Variants in ANKMY1 observed in about 807,000 individuals in gnomAD.
ANKMY1 encodes the protein ankyrin repeat and MYND domain-containing protein 1.
Under a neutral mutation model 102.0 loss-of-function variants are expected in ANKMY1, and 98 were observed. The observed-to-expected ratio is 0.96, with a 90% CI of 0.82 to 1.14. The LOEUF (loss-of-function observed/expected upper bound fraction) is 1.14, where lower values mean the gene tolerates loss of function less well. ANKMY1 is among the 50% of genes most tolerant of loss of function. The pLI, the probability that ANKMY1 is intolerant of heterozygous loss-of-function variation, is 0.00. For missense variants in ANKMY1, 1,330 were observed against 1,347.6 expected (o/e 0.99, Z 0.20); for synonymous variants, 582 against 559.9 (o/e 1.04, Z -0.56).
chr2:240,529,228 C>A lies in ANKMY1; in HGVS notation c.762G>T (p.Thr254=), dbSNP rs758914465. ...AGTAGACATACATTTCTGGAGGCAG[C>A]GTTAGGTTGTCATTCAGAAGAAACC... is the stretch of plus-strand genomic sequence containing the variant. The part of the protein sequence containing the change: ...YKRFLLNDNL[T]LPPEMYVYST... The change falls in exon 5 of 18, where the codon ACG becomes ACT. Residue 254 remains threonine, a synonymous_variant. Transcript: ENST00000401804. The surrounding 1 kb of genome is among the most constrained non-coding windows in gnomAD (Gnocchi z 4.2). 6.2e-7 allele frequency: 1 copy of A among 1,614,140 alleles called. No individual in the cohort carries two copies. Among genetic ancestry groups the A allele is most frequent in the South Asian group, 1.1e-5 (1 of 91,086 alleles).
intron 4 of ANKMY1, chr2:240,532,144 A>C: frequency 2.1e-6 from 1 of 465,278 alleles, no homozygotes; most frequent in Middle Eastern, 3.3e-4. Flanking sequence ...AACTGTAGAA[A>C]ACCAAAGAAA....
intron 4 of ANKMY1, among the ~76,000 whole-genome samples, chr2:240,537,015 G>A (rs1035969035): frequency 8.6e-5 from 13 of 151,768 alleles, no homozygotes; most frequent in African/African-American, 2.2e-4. Flanking sequence ...GTGAGCCACC[G>A]TACCCATCCA....
chr2:240,501,573 G>A (rs921493461), intron 13 of ANKMY1, among the ~76,000 whole-genome samples: 8 of 152,182 alleles, frequency 5.3e-5, no homozygotes, highest in Admixed American at 2.6e-4. Context: ...GTGCAAGCAC[G>A]GCCAGAAATC....
chr2:240,501,749 C>T (rs1002784759), intron 13 of ANKMY1, among the ~76,000 whole-genome samples: 35 of 152,374 alleles, frequency 2.3e-4, no homozygotes, highest in Admixed American at 1.9e-3. Flanking sequence ...GCCACCAACA[C>T]TAGTGGCCAG....
intron 17 of ANKMY1, 77 bp from the exon 18 acceptor site, chr2:240,479,732 CG>C: frequency 7.2e-7 from 1 of 1,384,262 alleles, no homozygotes; most frequent in Non-Finnish European, 1.0e-6. Context: ...CTCCAGAACT[CG>C]GGCTGTGTGG....
In ANKMY1 at chr2:240,554,959, AC is replaced by A. The variant is rs764218344; in HGVS notation, c.242del (p.Gly81ValfsTer17). Reference protein sequence around the residue: ...LRESYIQLVQGVQEWQDGCMY... With the variant: ...LRESYIQLVQXVQEWQDGCMY... ...TGCAACCATCCTGCCACTCCTGCAC[AC>A]CCTGGACGAGCTGGATGTAGGACTC... On this transcript the variant is annotated frameshift_variant, in exon 3 of 18. Transcript: ENST00000401804. LOFTEE classifies it high-confidence loss of function. The A allele has an allele frequency of 7.4e-6, 12 of 1,614,008 alleles. No individual in the cohort carries two copies. The highest frequency in any genetic ancestry group is 9.3e-6 in the Non-Finnish European group (11 of 1,180,020).
intron 4 of ANKMY1, among the ~76,000 whole-genome samples, chr2:240,546,501 C>T: frequency 6.6e-6 from 1 of 152,134 alleles, no homozygotes; most frequent in Non-Finnish European, 1.5e-5. Flanking sequence ...ATCAGATTCA[C>T]ACATAACAAT....
chr2:240,560,693 G>C, upstream of ANKMY1: 2 of 1,526,032 alleles, frequency 1.3e-6, no homozygotes, highest in Non-Finnish European at 1.7e-6. Flanking sequence ...CCATGGGACC[G>C]GCAGAAGCTG....
chr2:240,552,263 C>T (rs969613824), intron 4 of ANKMY1, among the ~76,000 whole-genome samples: 1 of 152,204 alleles, frequency 6.6e-6, no homozygotes, highest in Non-Finnish European at 1.5e-5. Flanking sequence ...GTTTCAGTAA[C>T]AGCCACTCAT....
At chr2:240,514,167 A>G (rs757788050) in intron 9 of ANKMY1, among the ~76,000 whole-genome samples, 10 of 152,266 alleles carry the variant, frequency 6.6e-5, no homozygotes, top group African/African-American at 9.6e-5. Context: ...GAATCAGGAA[A>G]TGATTAAGCT....
At chr2:240,558,108 G>T, upstream of ANKMY1, 1 of 455,910 alleles carries the variant, frequency 2.2e-6, no homozygotes, top group Non-Finnish European at 2.9e-6. Flanking sequence ...CGCCCTCTGT[G>T]ACTTCAGGGG....
the ANKMY1 span, among the ~76,000 whole-genome samples, chr2:240,473,677 A>G: frequency 6.6e-6 from 1 of 152,234 alleles, no homozygotes; most frequent in South Asian, 2.1e-4. Context: ...CAGATTCCAT[A>G]TGGATGTGGA....
chr2:240,508,762 GAAT>G, intron 12 of ANKMY1, among the ~76,000 whole-genome samples: 1 of 31,656 alleles, frequency 3.2e-5, no homozygotes, highest in South Asian at 1.4e-3. Flanking sequence ...ATAGATGGAT[GAAT>G]GAATGAATGA....
At chr2:240,559,648 G>C (rs2125367657), upstream of ANKMY1, among the ~76,000 whole-genome samples, 1 of 152,348 alleles carries the variant, frequency 6.6e-6, no homozygotes. Flanking sequence ...TCCTTCCTTA[G>C]GGTGGAGGAA....
intron 15 of ANKMY1, among the ~76,000 whole-genome samples, chr2:240,497,367 T>C (rs1208967510): frequency 6.6e-6 from 1 of 152,230 alleles, no homozygotes; most frequent in African/African-American, 2.4e-5. Context: ...ATGAGAATTA[T>C]TGACATCCAT....
intron 5 of ANKMY1, chr2:240,527,732 GATGA>G (rs1184625381): frequency 1.3e-5 from 2 of 152,516 alleles, no homozygotes; most frequent in African/African-American, 4.8e-5. Context: ...TGAATTGATG[GATGA>G]ATGGATGGCT....
At chr2:240,516,873 G>GGAGGACCGAAATAATT (rs2081306231) in intron 9 of ANKMY1, among the ~76,000 whole-genome samples, 1 of 152,210 alleles carries the variant, frequency 6.6e-6, no homozygotes, top group African/African-American at 2.4e-5. Context: ...CTGAGGTAAC[G>GGAGGACCGAAATAATT]GAGGACCGAA....
chr2:240,517,119 G>C (rs2081339862), intron 9 of ANKMY1, among the ~76,000 whole-genome samples: 1 of 152,148 alleles, frequency 6.6e-6, no homozygotes. Flanking sequence ...ACATTTATTA[G>C]GAATCTGTTT....
At chr2:240,505,457 G>A (rs1247152235) in intron 13 of ANKMY1, among the ~76,000 whole-genome samples, 8 of 149,908 alleles carry the variant, frequency 5.3e-5, no homozygotes, top group African/African-American at 1.5e-4. Flanking sequence ...GTGAGACTCT[G>A]ACTCAAAAAA....
Sources: gnomAD v4.1 joint callset for allele counts (sites outside exome capture counted in the v4.1 genomes callset) on GRCh38, gnomAD v4.1.1 for gene constraint, Gnocchi (gnomAD v3.1) non-coding constraint, MANE v1.5 for transcripts, NCBI Gene and HGNC (gene_info 2026-07-23, HGNC 2026-07-21) for gene names.